The following FAM83B variants were observed in gnomAD, a reference collection of about 807,000 sequenced individuals.
The protein encoded by FAM83B is protein FAM83B.
FAM83B carries 26 observed loss-of-function variants against 38.8 expected under a neutral mutation model. The ratio of observed to expected loss-of-function variants is 0.67; its 90% CI spans 0.49 to 0.93. FAM83B has a LOEUF of 0.93. Among genes scored for constraint, FAM83B ranks in the 40% least tolerant of loss-of-function variants. The pLI, the probability that FAM83B is intolerant of heterozygous loss-of-function variation, is 0.00. For missense variants in FAM83B, 1,237 were observed against 1,197.3 expected, an observed-to-expected ratio of 1.03 and a Z score of -0.49; for synonymous variants, 419 against 423.1, an observed-to-expected ratio of 0.99 and a Z score of 0.12.
intron 2 of FAM83B, among the ~76,000 whole-genome samples, chr6:54,908,729 G>A (rs1042030896): frequency 1.3e-5 from 2 of 152,112 alleles, no homozygotes; most frequent in South Asian, 2.1e-4. Context: ...AGAACATGGG[G>A]TACAGGTGTA....
At position 54,915,585 on chromosome 6, in the gene FAM83B, T is replaced by A. The variant is rs550363944; in HGVS notation, c.445-10786T>A. Among the ~76,000 whole-genome samples, 8 of 91,386 alleles carry A rather than the reference T, an allele frequency of 8.8e-5. 1 individual carries two copies. The highest frequency in any genetic ancestry group is 1.5e-4 in the Non-Finnish European group (7 of 47,084). The allele number at this position is 91,386 out of a possible 152,430, so 60.0% of individuals were successfully genotyped here. A position where few individuals can be genotyped will look rare whatever the true frequency, so the allele number is the denominator to read the frequency against. ...ACTTTGGGAGGCCGAGGCGGGTGGA[T>A]CATGAGGTCAGGAGATCGAGACCAT... On this transcript the variant is annotated intron_variant, in intron 2 of 4. Coordinates refer to ENST00000306858, the MANE Select transcript of FAM83B (RefSeq NM_001010872.3).
chr6:54,933,254 TA>T (rs1289834496), intron 4 of FAM83B, among the ~76,000 whole-genome samples: 7 of 152,240 alleles, frequency 4.6e-5, no homozygotes, highest in South Asian at 2.1e-4. Flanking sequence ...TCTAATGAAT[TA>T]TTCAGTTATA....
At chr6:54,859,042 C>T (rs1771511881) in intron 1 of FAM83B, among the ~76,000 whole-genome samples, 1 of 151,486 alleles carries the variant, frequency 6.6e-6, no homozygotes, top group Non-Finnish European at 1.5e-5. Flanking sequence ...TATAATTCCT[C>T]CCCCGACACC....
chr6:54,911,636 A>G (rs1581917239), intron 2 of FAM83B, among the ~76,000 whole-genome samples: 1 of 152,136 alleles, frequency 6.6e-6, no homozygotes, highest in East Asian at 1.9e-4. Context: ...TAGATTTTTT[A>G]CTGAACTGCT....
At chr6:54,936,722 T>C (rs1299558708) in intron 4 of FAM83B, among the ~76,000 whole-genome samples, 1 of 151,624 alleles carries the variant, frequency 6.6e-6, no homozygotes, top group East Asian at 1.9e-4. Context: ...TTCCCACATC[T>C]TTTGTGTCTG....
At position 54,870,566 on chromosome 6, in the gene FAM83B, G is replaced by A. The variant is rs751339090; in HGVS notation, c.320G>A (p.Gly107Asp). The A allele has an allele frequency of 1.2e-6, 2 of 1,613,976 alleles. No individual in the cohort carries two copies. The highest frequency in any genetic ancestry group is 1.3e-5 in the African/African-American group (1 of 75,002). The change falls in exon 2 of 5, where the codon GGC becomes GAC. Residue 107 changes from glycine (G) to aspartate (D), a missense_variant. By Grantham distance (94) the Gly-to-Asp change is moderately conservative. Coordinates refer to ENST00000306858, the MANE Select transcript of FAM83B (RefSeq NM_001010872.3). The stretch of plus-strand genomic sequence containing the variant: ...GTGGAAGCTCCAAATCTTGACTTAG[G>A]CTGGCCATATGTGATGCCCGGACTC... Reference protein sequence around the residue: ...SDVEAPNLDLGWPYVMPGLLG... With the variant: ...SDVEAPNLDLDWPYVMPGLLG...
At chr6:54,923,780 C>G (rs952144867) in intron 2 of FAM83B, among the ~76,000 whole-genome samples, 6 of 151,830 alleles carry the variant, frequency 4.0e-5, no homozygotes, top group Non-Finnish European at 5.9e-5. Context: ...AGCATCTGCA[C>G]CTTTATACTT....
chr6:54,871,391 A>G (rs1210848209), intron 2 of FAM83B, among the ~76,000 whole-genome samples: 5 of 148,426 alleles, frequency 3.4e-5, no homozygotes, highest in African/African-American at 1.0e-4. Context: ...GGAGACTACA[A>G]AAAAATTTGC....
chr6:54,875,120 T>C (rs772345219), intron 2 of FAM83B, among the ~76,000 whole-genome samples: 1 of 152,196 alleles, frequency 6.6e-6, no homozygotes, highest in Non-Finnish European at 1.5e-5. Context: ...TCTTCATTTA[T>C]TTAGGAAAAG....
Position 54,942,083 on chromosome 6 carries a change from A to G in FAM83B, c.*76A>G, listed in dbSNP as rs1439777073. 99 of 1,416,034 alleles carry G rather than the reference A, an allele frequency of 7.0e-5. No individual in the cohort carries two copies. Among genetic ancestry groups the G allele is most frequent in the Middle Eastern group, 2.0e-4 (1 of 5,104 alleles). 87.7% of individuals were successfully genotyped at this position (1,416,034 alleles called of 1,614,324 possible). Reference sequence around the variant, plus strand: ...TGTGGACAGTCTTTGTAACATGCCAATAGATTTTCCTAAGGACAGAATTAT... The same window carrying G: ...TGTGGACAGTCTTTGTAACATGCCAGTAGATTTTCCTAAGGACAGAATTAT... On this transcript the variant is annotated 3_prime_UTR_variant, in exon 5 of 5. Coordinates refer to ENST00000306858, the MANE Select transcript of FAM83B (RefSeq NM_001010872.3).
At chr6:54,853,483 C>T (rs1355513647) in intron 1 of FAM83B, among the ~76,000 whole-genome samples, 1 of 151,982 alleles carries the variant, frequency 6.6e-6, no homozygotes, top group African/African-American at 2.4e-5. Flanking sequence ...GAAGCCACTG[C>T]TCATTTACCA....
At chr6:54,900,402 G>C (rs1191991893) in intron 2 of FAM83B, among the ~76,000 whole-genome samples, 1 of 152,124 alleles carries the variant, frequency 6.6e-6, no homozygotes, top group South Asian at 2.1e-4. Flanking sequence ...TGCCTGACAG[G>C]AGTGTACTAT....
chr6:54,928,569 A>T lies in FAM83B; in HGVS notation c.734+937A>T, dbSNP rs543085831. Among the ~76,000 whole-genome samples, 994 of 152,250 alleles carry T rather than the reference A, an allele frequency of 6.5e-3. 10 individuals carry two copies. Among genetic ancestry groups the T allele is most frequent in the Middle Eastern group, 0.017 (5 of 292 alleles). ...CTCTCTTTAAGCTCGGGACCTTTTT[A>T]AAAAAACATGCTGTTTGGAGTTCCA... On this transcript the variant is annotated intron_variant, in intron 4 of 4. Coordinates refer to ENST00000306858, the MANE Select transcript of FAM83B (RefSeq NM_001010872.3).
intron 2 of FAM83B, among the ~76,000 whole-genome samples, chr6:54,882,804 G>T (rs1026598184): frequency 2.0e-5 from 3 of 152,118 alleles, no homozygotes; most frequent in African/African-American, 7.2e-5. Context: ...CCTACTTGGA[G>T]CATTCTTTCC....
Position 54,941,553 on chromosome 6 carries a change from C to T in FAM83B, c.2582C>T (p.Pro861Leu). The T allele has an allele frequency of 1.9e-6, 3 of 1,614,020 alleles. No homozygotes were observed. The highest frequency in any genetic ancestry group is 1.1e-5 in the South Asian group (1 of 91,074). The change falls in exon 5 of 5, where the codon CCA becomes CTA. Residue 861 changes from proline (P) to leucine (L), a missense_variant. Pro to Leu is a moderately conservative substitution (Grantham distance 98, BLOSUM62 -3). Transcript: ENST00000306858. ...CCATCTCAAGAGATAAATGCTCCAC[C>T]AGATGAAAATAAAAGAACACCTTCT... ...VSPSQEINAP[P>L]DENKRTPSPG...
rs1364418912 is a variant in FAM83B, at chr6:54,940,187, C to A, written c.1216C>A (p.Leu406Met). 1 of 1,613,996 alleles carries A rather than the reference C, an allele frequency of 6.2e-7. No homozygotes were observed. Residue 406 changes from leucine to methionine, a missense_variant, in exon 5 of 5, where the codon CTG (leucine) becomes ATG (methionine). Transcript: ENST00000306858. ...TVPYLLLNRALNRTNNPPGNW... is the reference protein window; with the variant it reads ...TVPYLLLNRAMNRTNNPPGNW... ...GCCATACCTCCTGCTTAATAGGGCT[C>A]TGAATAGAACCAATAATCCACCTGG...
chr6:54,907,738 A>G (rs1256029826), intron 2 of FAM83B, among the ~76,000 whole-genome samples: 1 of 152,118 alleles, frequency 6.6e-6, no homozygotes, highest in Admixed American at 6.5e-5. Flanking sequence ...TTTCTGTTCC[A>G]TGCGAGGTTC....
At chr6:54,901,223 C>G (rs1219645180) in intron 2 of FAM83B, among the ~76,000 whole-genome samples, 3 of 152,096 alleles carry the variant, frequency 2.0e-5, no homozygotes, top group Non-Finnish European at 4.4e-5. Context: ...AACTGTTGTA[C>G]TCCTCTTAAT....
chr6:54,892,620 C>A (rs1237205350), intron 2 of FAM83B, among the ~76,000 whole-genome samples: 1 of 151,516 alleles, frequency 6.6e-6, no homozygotes, highest in African/African-American at 2.4e-5. Flanking sequence ...ATGGCTGCCT[C>A]TGAATCTTTC....
Sources: allele counts gnomAD v4.1 joint callset (sites outside exome capture counted in the v4.1 genomes callset), GRCh38; gene constraint gnomAD v4.1.1; transcripts MANE v1.5; gene names NCBI Gene and HGNC (gene_info 2026-07-23, HGNC 2026-07-21).